AGBL4: variants seen among roughly 807,000 people sequenced by gnomAD.
AGBL4 encodes cytosolic carboxypeptidase 6.
AGBL4 carries 58 observed loss-of-function variants against 66.4 expected under a neutral mutation model. That is an observed-to-expected ratio of 0.87 (90% confidence interval 0.71 to 1.09). AGBL4 has a LOEUF of 1.09. AGBL4 is among the 50% of genes least tolerant of loss of function. AGBL4 has a pLI of 0.00. For synonymous variants in AGBL4, 234 were observed against 222.9 expected (o/e 1.05, Z -0.44); for missense variants, 579 against 631.0 (o/e 0.92, Z 0.88).
intron 6 of AGBL4, among the ~76,000 whole-genome samples, chr1:48,716,365 C>T (rs774541673): frequency 6.6e-5 from 10 of 151,964 alleles, no homozygotes; most frequent in African/African-American, 1.9e-4. Context: ...CTGGCCTCAG[C>T]GTCCACATCT....
intron 1 of AGBL4, among the ~76,000 whole-genome samples, chr1:49,876,924 T>A (rs944404741): frequency 2.0e-4 from 31 of 151,528 alleles, no homozygotes; most frequent in Non-Finnish European, 4.3e-4. Flanking sequence ...GAAGCAATTG[T>A]GAATGGGAGT....
intron 3 of AGBL4, among the ~76,000 whole-genome samples, chr1:49,656,146 CA>C (rs545673143): frequency 0.011 from 1,182 of 108,678 alleles, 1 homozygote; most frequent in African/African-American, 0.022. Context: ...GACTCCGTCT[CA>C]AAAAAAAAAA....
intron 1 of AGBL4, among the ~76,000 whole-genome samples, chr1:49,976,666 G>C (rs1156533030): frequency 4.6e-5 from 7 of 152,104 alleles, no homozygotes; most frequent in African/African-American, 1.7e-4. Flanking sequence ...CTACAAAATG[G>C]CATCAGCATC....
rs375418618 is a variant in AGBL4 at position 49,924,245 on chromosome 1, C to T, written c.35-72727G>A. Among the ~76,000 whole-genome samples, 7 of 152,246 alleles carry T rather than the reference C, an allele frequency of 4.6e-5. No homozygotes were observed. The South Asian group carries it at 1.2e-3, about 27-fold the overall frequency. On this transcript the variant is annotated intron_variant, in intron 1 of 13. Transcript: ENST00000371839. ...ACAATTGGGAGTTAAATGATGAGAACACATTGACACATAGAGGGGAACAAC... is the reference window on the plus strand; with the variant it reads ...ACAATTGGGAGTTAAATGATGAGAATACATTGACACATAGAGGGGAACAAC...
intron 4 of AGBL4, among the ~76,000 whole-genome samples, chr1:49,240,449 T>C (rs1045655543): frequency 2.0e-5 from 3 of 152,098 alleles, no homozygotes; most frequent in Non-Finnish European, 4.4e-5. Flanking sequence ...TCCATGTCAC[T>C]ACATGCTTTA....
In AGBL4 at chr1:49,740,795, C is replaced by T. The variant is rs1020573226; in HGVS notation, c.158-43358G>A. Among the ~76,000 whole-genome samples the T allele has an allele frequency of 3.3e-5, 5 of 152,186 alleles. No homozygotes were observed. In the South Asian group the frequency reaches 8.3e-4, roughly 25 times the overall value. On this transcript the variant is annotated intron_variant, in intron 2 of 13. Coordinates refer to ENST00000371839, the MANE Select transcript of AGBL4 (RefSeq NM_032785.4). ...GGAAACTGAACAAACTGCTCCTGAACGACTACTGGGTACATAACGAAATGA... is the reference window on the plus strand; with the variant it reads ...GGAAACTGAACAAACTGCTCCTGAATGACTACTGGGTACATAACGAAATGA...
At chr1:48,727,096 A>G (rs1469514745) in intron 6 of AGBL4, among the ~76,000 whole-genome samples, 2 of 152,224 alleles carry the variant, frequency 1.3e-5, no homozygotes, top group Admixed American at 6.5e-5. Flanking sequence ...CAGTAACAGA[A>G]TAAAGAATGA....
chr1:49,369,448 C>G (rs1175964558), intron 3 of AGBL4, among the ~76,000 whole-genome samples: 3 of 152,034 alleles, frequency 2.0e-5, no homozygotes, highest in African/African-American at 7.3e-5. Context: ...TTTTCAGATA[C>G]TAGAAAAAAG....
At chr1:48,635,607 T>G (rs568730508) in intron 8 of AGBL4, among the ~76,000 whole-genome samples, 1 of 152,328 alleles carries the variant, frequency 6.6e-6, no homozygotes, top group African/African-American at 2.4e-5. Flanking sequence ...GGCAAGTCCC[T>G]TGCTCTCTCA....
chr1:48,890,905 C>G (rs183568001), intron 5 of AGBL4, among the ~76,000 whole-genome samples: 75 of 152,198 alleles, frequency 4.9e-4, no homozygotes, highest in Admixed American at 8.5e-4. Flanking sequence ...CTGATCGGAA[C>G]CAATAATCAA....
chr1:49,754,697 T>A (rs1455556667), intron 2 of AGBL4, among the ~76,000 whole-genome samples: 1 of 152,212 alleles, frequency 6.6e-6, no homozygotes, highest in Non-Finnish European at 1.5e-5. Context: ...AAGCAGCCTG[T>A]CCCTTAGCAG....
chr1:49,725,815 T>C (rs1335745596), intron 2 of AGBL4, among the ~76,000 whole-genome samples: 3 of 150,770 alleles, frequency 2.0e-5, no homozygotes, highest in African/African-American at 7.3e-5. Context: ...AAGAAAATCA[T>C]GTGACAAAGC....
At chr1:49,795,081 TGAG>T (rs1049134235) in intron 2 of AGBL4, among the ~76,000 whole-genome samples, 1 of 151,806 alleles carries the variant, frequency 6.6e-6, no homozygotes, top group African/African-American at 2.4e-5. Context: ...ATAAATTCAT[TGAG>T]AAGAAGAAGA....
intron 10 of AGBL4, among the ~76,000 whole-genome samples, chr1:48,588,783 T>C (rs1644864257): frequency 8.0e-6 from 1 of 124,772 alleles, no homozygotes; most frequent in African/African-American, 3.0e-5. Context: ...TGTTTTAGAG[T>C]TGGGCATTGA....
intron 9 of AGBL4, among the ~76,000 whole-genome samples, chr1:48,630,873 C>G (rs1337601667): frequency 1.3e-5 from 2 of 152,132 alleles, no homozygotes. Context: ...CATGCTGTTT[C>G]CTCTGCCTGG....
At chr1:48,676,284 G>T (rs545632906) in intron 6 of AGBL4, among the ~76,000 whole-genome samples, 1 of 152,378 alleles carries the variant, frequency 6.6e-6, no homozygotes, top group Admixed American at 6.5e-5. Context: ...TGAGTGGGGG[G>T]TCTGAAGGTC....
intron 1 of AGBL4, among the ~76,000 whole-genome samples, chr1:49,961,278 G>A (rs1401037751): frequency 6.6e-6 from 1 of 152,106 alleles, no homozygotes; most frequent in African/African-American, 2.4e-5. Context: ...GGAGGCTGAG[G>A]CAGGAAGATC....
rs886824660 is a variant in AGBL4 at position 49,167,561 on chromosome 1, A to G, written c.377+78209T>C. The stretch of plus-strand genomic sequence containing the variant: ...TCCACTGCTCCTTCCCAAAGGGAGG[A>G]TATTTCCTTAGGCTGAGGCCTAGAG... On this transcript the variant is annotated intron_variant, in intron 4 of 13. Coordinates refer to ENST00000371839, the MANE Select transcript of AGBL4 (RefSeq NM_032785.4). Among the ~76,000 whole-genome samples, 3 of 152,218 alleles carry G rather than the reference A, an allele frequency of 2.0e-5. No individual in the cohort carries two copies. In the East Asian group the frequency reaches 5.8e-4, roughly 29 times the overall value.
At chr1:49,644,600 A>T (rs1313772217) in intron 3 of AGBL4, among the ~76,000 whole-genome samples, 1 of 151,598 alleles carries the variant, frequency 6.6e-6, no homozygotes, top group East Asian at 1.9e-4. Flanking sequence ...ATGATAACAG[A>T]GTTTTGAAAA....
Sources: gnomAD v4.1 joint callset for allele counts (sites outside exome capture counted in the v4.1 genomes callset) on GRCh38, gnomAD v4.1.1 for gene constraint, MANE v1.5 for transcripts, NCBI Gene and HGNC (gene_info 2026-07-23, HGNC 2026-07-21) for gene names.